Variants in POLK observed in about 807,000 individuals in gnomAD.
The protein encoded by POLK is polymerase (DNA directed) kappa.
Under a neutral mutation model 94.0 loss-of-function variants are expected in POLK, and 76 were observed. The ratio of observed to expected loss-of-function variants is 0.81; its 90% confidence interval spans 0.67 to 0.98. POLK has a LOEUF of 0.98. POLK is among the 50% of genes least tolerant of loss of function. The probability of loss-of-function intolerance (pLI) is 0.00; values close to 1 mark genes in which losing one functional copy is unlikely to be tolerated. For synonymous variants in POLK, 349 were observed against 325.4 expected, an observed-to-expected ratio of 1.07 and a Z score of -0.78; for missense variants, 954 against 1,010.1, an observed-to-expected ratio of 0.94 and a Z score of 0.75.
At chr5:75,560,466 C>A (rs1023559208) in intron 3 of POLK, among the ~76,000 whole-genome samples, 5 of 152,084 alleles carry the variant, frequency 3.3e-5, no homozygotes, top group African/African-American at 1.2e-4. Context: ...TAATGAGTTG[C>A]AGTGCTAGGA....
intron 4 of POLK, among the ~76,000 whole-genome samples, chr5:75,571,741 G>A (rs1326171853): frequency 6.6e-6 from 1 of 152,120 alleles, no homozygotes; most frequent in Non-Finnish European, 1.5e-5. Flanking sequence ...TTTTATCAAG[G>A]CAAGTCACGT....
At chr5:75,568,268 G>A (rs1248408582) in intron 3 of POLK, among the ~76,000 whole-genome samples, 1 of 152,078 alleles carries the variant, frequency 6.6e-6, no homozygotes, top group African/African-American at 2.4e-5. Flanking sequence ...ACTGTTCTAT[G>A]TTCTGTATAT....
intron 1 of POLK, among the ~76,000 whole-genome samples, chr5:75,518,205 G>C (rs1195266436): frequency 1.3e-5 from 2 of 152,134 alleles, no homozygotes; most frequent in South Asian, 2.1e-4. Context: ...AGTTTGAGTA[G>C]AAGTGAGAAT....
At chr5:75,577,863 C>CTT (rs1162241922) in intron 6 of POLK, among the ~76,000 whole-genome samples, 2 of 151,344 alleles carry the variant, frequency 1.3e-5, no homozygotes, top group East Asian at 3.9e-4. Flanking sequence ...ATAGCTCTCT[C>CTT]TTTTTTTTTA....
chr5:75,533,179 T>A (rs1298273281), intron 1 of POLK, among the ~76,000 whole-genome samples: 1 of 152,352 alleles, frequency 6.6e-6, no homozygotes, highest in South Asian at 2.1e-4. Flanking sequence ...TCCAGAATGT[T>A]ATTTCCTAGG....
chr5:75,524,578 T>C (rs1768740892), intron 1 of POLK, among the ~76,000 whole-genome samples: 1 of 151,830 alleles, frequency 6.6e-6, no homozygotes, highest in South Asian at 2.1e-4. Context: ...ACTTCCAGTA[T>C]GGAGAAGTAA....
intron 3 of POLK, among the ~76,000 whole-genome samples, chr5:75,558,288 T>C (rs1324497977): frequency 6.6e-6 from 1 of 151,642 alleles, no homozygotes; most frequent in African/African-American, 2.4e-5. Flanking sequence ...CTCATAACCA[T>C]GCCTATGTCT....
chr5:75,601,413 T>C (rs1414994876), downstream of POLK, among the ~76,000 whole-genome samples: 5 of 152,200 alleles, frequency 3.3e-5, no homozygotes, highest in African/African-American at 1.2e-4. Flanking sequence ...GTCAACTTGA[T>C]TGGATTAAAT....
chr5:75,524,937 T>G (rs1768763291), intron 1 of POLK, among the ~76,000 whole-genome samples: 1 of 152,234 alleles, frequency 6.6e-6, no homozygotes. Context: ...ATAGTCTACA[T>G]GCATGCCCAC....
rs556394864 is a variant in POLK at position 75,588,550 on chromosome 5, A to G, written c.1259+1492A>G. Among the ~76,000 whole-genome samples the G allele has an allele frequency of 2.0e-5, 3 of 152,334 alleles. No homozygotes were observed. The South Asian group carries it at 6.2e-4, about 32-fold the overall frequency. On this transcript the variant is annotated intron_variant, in intron 10 of 14. Coordinates refer to ENST00000241436, the Ensembl canonical transcript of POLK. ...GATTCTAACATACTCTATTGGCAAG[A>G]CTGTAGGAGTGAAAAATGTGTAAAC...
At chr5:75,602,217 A>G (rs1180642431), downstream of POLK, among the ~76,000 whole-genome samples, 6 of 152,150 alleles carry the variant, frequency 3.9e-5, no homozygotes, top group Non-Finnish European at 7.4e-5. Flanking sequence ...TGCATCACCC[A>G]TGTGACTGAC....
chr5:75,563,659 A>G (rs938056948), intron 3 of POLK, among the ~76,000 whole-genome samples: 1 of 152,170 alleles, frequency 6.6e-6, no homozygotes, highest in African/African-American at 2.4e-5. Context: ...ATATTTATCC[A>G]GGAGTCATTC....
chr5:75,597,594 C>A (rs1013493879), intron 13 of POLK, 153 bp from the exon 14 acceptor site: 8 of 442,108 alleles, frequency 1.8e-5, no homozygotes, highest in Admixed American at 7.9e-5. Flanking sequence ...TAGTAAATTA[C>A]AAAGAAATTA....
At chr5:75,593,349 C>G (rs1323124601) in intron 11 of POLK, among the ~76,000 whole-genome samples, 4 of 152,110 alleles carry the variant, frequency 2.6e-5, no homozygotes, top group African/African-American at 9.7e-5. Flanking sequence ...CCAGGCTGGT[C>G]TTGAACTCCT....
In POLK at chr5:75,597,102, TAA is replaced by T; in HGVS notation, c.2412_2413del (p.Ser805PhefsTer9). 1 of 1,613,084 alleles carries T rather than the reference TAA, an allele frequency of 6.2e-7. No individual in the cohort carries two copies. The highest frequency in any genetic ancestry group is 1.1e-5 in the South Asian group (1 of 91,040). On this transcript the variant is annotated frameshift_variant, in exon 13 of 15. Transcript: ENST00000241436. LOFTEE classifies it high-confidence loss of function. ...ATGTGCATGTGGATGTTTGCTTAAA[TAA>T]AAGTTTTATCCAAGAATTAAGAAAG...
chr5:75,525,572 G>C (rs1309983577), intron 1 of POLK, among the ~76,000 whole-genome samples: 1 of 152,116 alleles, frequency 6.6e-6, no homozygotes, highest in Non-Finnish European at 1.5e-5. Context: ...GGAGTAACAG[G>C]TAATTGAACC....
chr5:75,558,670 T>A (rs185425503), intron 3 of POLK, among the ~76,000 whole-genome samples: 220 of 152,278 alleles, frequency 1.4e-3, no homozygotes, highest in Non-Finnish European at 2.5e-3. Flanking sequence ...TTTTTGTATT[T>A]CTCATGCATG....
chr5:75,597,665 T>C (rs1773164025), intron 13 of POLK, 82 bp from the exon 14 acceptor site: 3 of 763,330 alleles, frequency 3.9e-6, no homozygotes. Flanking sequence ...TCAATAAGTT[T>C]TAACTTTTTA....
rs191594950 is a variant in POLK at position 75,572,375 on chromosome 5, C to A, written c.409-1363C>A. ...CATTTTGGAGACTTAATTTGGCTGA[C>A]CACATAGACCTTTTATTTTTGTTCT... On this transcript the variant is annotated intron_variant, in intron 4 of 14. Coordinates refer to ENST00000241436, the Ensembl canonical transcript of POLK. Among the ~76,000 whole-genome samples the A allele has an allele frequency of 1.8e-3, 272 of 152,170 alleles. 4 individuals are homozygous for A. In the South Asian group the frequency reaches 0.023, roughly 13 times the overall value.
Sources: allele counts gnomAD v4.1 joint callset (sites outside exome capture counted in the v4.1 genomes callset), GRCh38; gene constraint gnomAD v4.1.1; transcripts MANE v1.5; gene names NCBI Gene and HGNC (gene_info 2026-07-23, HGNC 2026-07-21).